Variants in ITM2B observed in about 807,000 individuals in gnomAD.
ITM2B encodes the protein integral membrane protein 2B.
Under a neutral mutation model 27.8 loss-of-function variants are expected in ITM2B, and 11 were observed. The observed-to-expected ratio is 0.40, with a 90% confidence interval of 0.25 to 0.66. ITM2B has a LOEUF of 0.66. ITM2B is among the 30% of genes least tolerant of loss of function. The pLI, the probability that ITM2B is intolerant of heterozygous loss-of-function variation, is 0.43. For synonymous variants in ITM2B, 114 were observed against 114.3 expected (o/e 1.00, Z 0.02); for missense variants, 296 against 328.9 (o/e 0.90, Z 0.77).
At chr13:48,252,988 A>G (rs924823898) in intron 1 of ITM2B, among the ~76,000 whole-genome samples, 26 of 152,226 alleles carry the variant, frequency 1.7e-4, no homozygotes, top group African/African-American at 6.3e-4. Flanking sequence ...TATGAATGTC[A>G]TGACCCCAAA....
rs1951827802 is a variant in ITM2B, at chr13:48,262,364, G to A, written c.*1140G>A. ...AAAATTTCAATTCTGACTTTAGGAG[G>A]TCAGAGTTTTTAAAGCTTCCAACTC... On this transcript the variant is annotated 3_prime_UTR_variant, in exon 6 of 6. Transcript: ENST00000647800. 6.6e-6 allele frequency: 1 copy of A among 152,054 alleles called. No individual in the cohort carries two copies. Among genetic ancestry groups the A allele is most frequent in the Non-Finnish European group, 1.5e-5 (1 of 68,004 alleles). 9.4% of individuals were successfully genotyped at this position (152,054 alleles called of 1,614,324 possible).
At chr13:48,250,572 C>G (rs979111523) in intron 1 of ITM2B, among the ~76,000 whole-genome samples, 1 of 151,088 alleles carries the variant, frequency 6.6e-6, no homozygotes, top group Non-Finnish European at 1.5e-5. Flanking sequence ...GAGCTGAGAT[C>G]GCGCCACTGC....
chr13:48,255,599 A>G (rs1485885003), intron 2 of ITM2B, among the ~76,000 whole-genome samples: 1 of 152,094 alleles, frequency 6.6e-6, no homozygotes, highest in Non-Finnish European at 1.5e-5. Flanking sequence ...ACTGCACCCG[A>G]CCTTATGTAC....
In ITM2B at chr13:48,256,232, A is replaced by C; in HGVS notation, c.302A>C (p.Asn101Thr). 2 of 1,613,942 alleles carry C rather than the reference A, an allele frequency of 1.2e-6. No homozygotes were observed. ...TACATCAAAGATGATGTCATCTTAA[A>C]TGAGCCCTCTGCAGATGCCCCAGCT... ...IKYIKDDVIL[N>T]EPSADAPAAL... is the part of the protein sequence containing the mutation. Residue 101 changes from asparagine to threonine, a missense_variant, in exon 3 of 6, where the codon AAT (asparagine) becomes ACT (threonine). Coordinates refer to ENST00000647800, the MANE Select transcript of ITM2B (RefSeq NM_021999.5).
rs1318140821 is a variant in ITM2B at position 48,267,752 on chromosome 13, C to G, written c.*6528C>G. The G allele has an allele frequency of 6.6e-6, 1 of 152,108 alleles. No homozygotes were observed. Among genetic ancestry groups the G allele is most frequent in the East Asian group, 1.9e-4 (1 of 5,196 alleles). 9.4% of individuals were successfully genotyped at this position (152,108 alleles called of 1,614,324 possible). ...TACATGTTAATATTAGGTAGTACATCTAAAGAATTCATTTGCTTCCCTTTT... is the reference window on the plus strand; with the variant it reads ...TACATGTTAATATTAGGTAGTACATGTAAAGAATTCATTTGCTTCCCTTTT... On this transcript the variant is annotated 3_prime_UTR_variant, in exon 6 of 6. Transcript: ENST00000647800.
At chr13:48,260,681 A>G (rs928351663) in intron 5 of ITM2B, among the ~76,000 whole-genome samples, 3 of 152,184 alleles carry the variant, frequency 2.0e-5, no homozygotes, top group Non-Finnish European at 4.4e-5. Context: ...AGCTGTATCC[A>G]TACTGCTGCA....
intron 1 of ITM2B, among the ~76,000 whole-genome samples, chr13:48,236,681 A>G (rs534143847): frequency 1.3e-5 from 2 of 152,306 alleles, no homozygotes; most frequent in African/African-American, 2.4e-5. Flanking sequence ...GGAGATGGGT[A>G]GAGGTATTAT....
rs1177428698 is a variant in ITM2B, at chr13:48,258,965, T to C, written c.715+18T>C. The C allele has an allele frequency of 6.2e-6, 10 of 1,600,410 alleles. No individual in the cohort carries two copies. Among genetic ancestry groups the C allele is most frequent in the Non-Finnish European group, 3.4e-6 (4 of 1,170,332 alleles). The stretch of plus-strand genomic sequence containing the variant: ...TATTAAAGGTAATACTTTTTAAATA[T>C]TAAAGTGTTGGGCAGAAAAGTTCAT... On this transcript the variant is annotated intron_variant, in intron 5 of 5. Transcript: ENST00000647800.
intron 2 of ITM2B, among the ~76,000 whole-genome samples, chr13:48,255,221 AGTGTGTGTAGTGTGT>A (rs1566162903): frequency 7.7e-6 from 1 of 129,196 alleles, no homozygotes; most frequent in Non-Finnish European, 1.6e-5. Context: ...TTGTGTGTGT[AGTGTGTGTAGTGTGT>A]GTGTGTGTGT....
chr13:48,257,449 C>T (rs1227325913), intron 3 of ITM2B, among the ~76,000 whole-genome samples: 3 of 152,104 alleles, frequency 2.0e-5, no homozygotes, highest in Non-Finnish European at 4.4e-5. Flanking sequence ...TTTGAACACT[C>T]GAATATATTA....
At position 48,265,241 on chromosome 13, in the gene ITM2B, C is replaced by T. The variant is rs552994327; in HGVS notation, c.*4017C>T. 5.3e-5 allele frequency: 8 copies of T among 152,282 alleles called. 1 individual carries two copies. The East Asian group carries it at 1.5e-3, about 29-fold the overall frequency. The allele number at this position is 152,282 out of a possible 1,614,324, so 9.4% of individuals were successfully genotyped here. A position where few individuals can be genotyped will look rare whatever the true frequency, so the allele number is the denominator to read the frequency against. On this transcript the variant is annotated 3_prime_UTR_variant, in exon 6 of 6. Transcript: ENST00000647800. ...CATCCTCCTTCCTCAGTCCCATTCC[C>T]CAACAGTTTAACGTGCGATACAATA...
chr13:48,247,852 C>T (rs1202574514), intron 1 of ITM2B, among the ~76,000 whole-genome samples: 1 of 152,106 alleles, frequency 6.6e-6, no homozygotes, highest in African/African-American at 2.4e-5. Context: ...GGTTATAGGC[C>T]AGCGTGTGCT....
chr13:48,234,312 T>C (rs1010076804), intron 1 of ITM2B, among the ~76,000 whole-genome samples: 1 of 152,186 alleles, frequency 6.6e-6, no homozygotes, highest in African/African-American at 2.4e-5. Context: ...TGTTGACTTT[T>C]AGTAGGTTAC....
rs1951874079 is a variant in ITM2B, at chr13:48,269,811, ATTC to A, written c.*8590_*8592del. 2.6e-5 allele frequency: 4 copies of A among 152,236 alleles called. No individual in the cohort carries two copies. In the South Asian group the frequency reaches 8.3e-4, roughly 31 times the overall value. 9.4% of individuals were successfully genotyped at this position (152,236 alleles called of 1,614,324 possible). ...TGCTGGCAATGTCTGTCTGTAGTGT[ATTC>A]TTAACAATACAGATTAGCACAATGC... On this transcript the variant is annotated 3_prime_UTR_variant, in exon 6 of 6. Transcript: ENST00000647800.
intron 1 of ITM2B, among the ~76,000 whole-genome samples, chr13:48,236,343 T>C (rs1951668559): frequency 6.6e-6 from 1 of 152,232 alleles, no homozygotes; most frequent in Non-Finnish European, 1.5e-5. Context: ...AATTGTTTTA[T>C]ATTTGCAGAT....
At position 48,235,746 on chromosome 13, in the gene ITM2B, C is replaced by A. The variant is rs1353556970; in HGVS notation, c.117+2269C>A. Among the ~76,000 whole-genome samples, 4 of 152,190 alleles carry A rather than the reference C, an allele frequency of 2.6e-5. No homozygotes were observed. In the East Asian group the frequency reaches 7.7e-4, roughly 29 times the overall value. ...TAATGTGTTTTGCCGAGGGCATTTC[C>A]TTTGCCTGGTTGGTTGAAAGAATCA... On this transcript the variant is annotated intron_variant, in intron 1 of 5. Coordinates refer to ENST00000647800, the MANE Select transcript of ITM2B (RefSeq NM_021999.5).
At position 48,266,536 on chromosome 13, in the gene ITM2B, G is replaced by A. The variant is rs1025457384; in HGVS notation, c.*5312G>A. The A allele has an allele frequency of 6.6e-6, 1 of 152,126 alleles. No individual in the cohort carries two copies. The highest frequency in any genetic ancestry group is 2.4e-5 in the African/African-American group (1 of 41,432). 9.4% of individuals were successfully genotyped at this position (152,126 alleles called of 1,614,324 possible). The stretch of plus-strand genomic sequence containing the variant: ...GCACATAATAGGTTTTCTTGACACT[G>A]AAGGAAGGAATAAACATCTGGTAAC... On this transcript the variant is annotated 3_prime_UTR_variant, in exon 6 of 6. Coordinates refer to ENST00000647800, the MANE Select transcript of ITM2B (RefSeq NM_021999.5).
intron 2 of ITM2B, among the ~76,000 whole-genome samples, chr13:48,254,470 T>A (rs941006822): frequency 6.6e-6 from 1 of 152,242 alleles, no homozygotes; most frequent in Non-Finnish European, 1.5e-5. Context: ...TTTATAACTT[T>A]GAGTGTTTAA....
Position 48,264,475 on chromosome 13 carries a change from ATGTT to A in ITM2B, c.*3254_*3257del, listed in dbSNP as rs1951841081. On this transcript the variant is annotated 3_prime_UTR_variant, in exon 6 of 6. Coordinates refer to ENST00000647800, the MANE Select transcript of ITM2B (RefSeq NM_021999.5). ...ATTGAATAGAAAAGGTCTAGATTCT[ATGTT>A]TGAATGTGGTTATGAATTAATATGG... The A allele has an allele frequency of 6.6e-6, 1 of 152,180 alleles. No homozygotes were observed. The highest frequency in any genetic ancestry group is 2.1e-4 in the South Asian group (1 of 4,826). The allele number at this position is 152,180 out of a possible 1,614,324, so 9.4% of individuals were successfully genotyped here. A position where few individuals can be genotyped will look rare whatever the true frequency, so the allele number is the denominator to read the frequency against.
Sources: gnomAD v4.1 joint callset for allele counts (sites outside exome capture counted in the v4.1 genomes callset) on GRCh38, gnomAD v4.1.1 for gene constraint, MANE v1.5 for transcripts, NCBI Gene and HGNC (gene_info 2026-07-23, HGNC 2026-07-21) for gene names.